Variants in UBE2H observed in about 807,000 individuals in gnomAD.
The protein encoded by UBE2H is ubiquitin conjugating enzyme E2 H.
Under a neutral mutation model 29.0 loss-of-function variants are expected in UBE2H, and 3 were observed. The observed-to-expected ratio is 0.10, with a 90% CI of 0.05 to 0.27. The LOEUF (loss-of-function observed/expected upper bound fraction) is 0.27. Among genes scored for constraint, UBE2H ranks in the 10% least tolerant of loss-of-function variants. The probability of loss-of-function intolerance (pLI) is 1.00; values close to 1 mark genes in which losing one functional copy is unlikely to be tolerated. For missense variants in UBE2H, 68 were observed against 228.2 expected (o/e 0.30, Z 4.52); for synonymous variants, 69 against 82.9 (o/e 0.83, Z 0.91).
chr7:129,944,577 G>A (rs1584802359), intron 1 of UBE2H, among the ~76,000 whole-genome samples: 1 of 152,140 alleles, frequency 6.6e-6, no homozygotes, highest in East Asian at 1.9e-4. Flanking sequence ...CCAACAGTGA[G>A]ACCTCATCTC....
In UBE2H at chr7:129,834,776, A is replaced by G; in HGVS notation, c.*161T>C. On this transcript the variant is annotated 3_prime_UTR_variant, in exon 7 of 7. Transcript: ENST00000355621. The stretch of plus-strand genomic sequence containing the variant: ...CAGGTTGAGAAATGACCAAGAAATC[A>G]AGATCTAAAGGGTGATATATAATAT... The G allele has an allele frequency of 1.2e-6, 1 of 837,548 alleles. No individual in the cohort carries two copies. The highest frequency in any genetic ancestry group is 2.3e-5 in the South Asian group (1 of 44,150). The allele number at this position is 837,548 out of a possible 1,614,324, so 51.9% of individuals were successfully genotyped here. A position where few individuals can be genotyped will look rare whatever the true frequency, so the allele number is the denominator to read the frequency against.
intron 3 of UBE2H, among the ~76,000 whole-genome samples, chr7:129,865,891 T>A (rs1805895134): frequency 6.6e-6 from 1 of 152,198 alleles, no homozygotes; most frequent in Admixed American, 6.5e-5. Context: ...ATAACTTGGA[T>A]CTCTGTTCCT....
At chr7:129,860,715 T>G (rs914616084) in intron 3 of UBE2H, among the ~76,000 whole-genome samples, 3 of 140,916 alleles carry the variant, frequency 2.1e-5, no homozygotes, top group Non-Finnish European at 3.1e-5. Flanking sequence ...CTGAGTTTTG[T>G]TTTTTTTTTT....
intron 3 of UBE2H, among the ~76,000 whole-genome samples, chr7:129,860,048 T>G (rs1164420171): frequency 6.6e-6 from 1 of 152,160 alleles, no homozygotes. Flanking sequence ...AATAAAGTAT[T>G]GATACAGTAG....
intron 5 of UBE2H, among the ~76,000 whole-genome samples, chr7:129,845,064 A>C (rs1805489489): frequency 6.6e-6 from 1 of 152,212 alleles, no homozygotes; most frequent in South Asian, 2.1e-4. Context: ...TGGGAGGCAG[A>C]GGTTGTAGTG....
chr7:129,890,284 TACACGTGTATATGTATAC>T (rs1276188417), intron 1 of UBE2H, among the ~76,000 whole-genome samples: 2 of 151,884 alleles, frequency 1.3e-5, no homozygotes, highest in African/African-American at 4.8e-5. Context: ...CGTATATATA[TACACGTGTATATGTATAC>T]ATACGTGTAT....
At chr7:129,836,554 G>GT (rs1389853947) in intron 6 of UBE2H, among the ~76,000 whole-genome samples, 3 of 152,230 alleles carry the variant, frequency 2.0e-5, no homozygotes, top group Non-Finnish European at 2.9e-5. Context: ...TTTGTTGAAA[G>GT]TAAGTGGCTG....
intron 1 of UBE2H, among the ~76,000 whole-genome samples, chr7:129,941,068 C>A (rs1807632197): frequency 1.3e-5 from 2 of 152,190 alleles, no homozygotes; most frequent in Admixed American, 1.3e-4. Context: ...AATTCTCCTG[C>A]CTCAGCCTCC....
chr7:129,879,602 T>C lies in UBE2H; in HGVS notation c.171A>G (p.Leu57=), dbSNP rs1206634017. The change falls in exon 3 of 7, where the codon CTA becomes CTG. Residue 57 remains leucine (L), a synonymous_variant. Transcript: ENST00000355621. ...GAGATTTGAAAGGGTATTTATCAGG[T>C]AGGTCCACTCTAACTTTCCATACTC... ...EGGVWKVRVD[L]PDKYPFKSPS... 1 of 1,613,132 alleles carries C rather than the reference T, an allele frequency of 6.2e-7. No homozygotes were observed. The highest frequency in any genetic ancestry group is 8.5e-7 in the Non-Finnish European group (1 of 1,179,710).
intron 3 of UBE2H, among the ~76,000 whole-genome samples, chr7:129,861,667 G>A (rs1233630403): frequency 7.9e-5 from 12 of 152,174 alleles, no homozygotes; most frequent in Admixed American, 7.2e-4. Context: ...TAAGACGGAC[G>A]GATTACTTGA....
chr7:129,908,036 C>T (rs954196185), intron 1 of UBE2H, among the ~76,000 whole-genome samples: 1 of 152,070 alleles, frequency 6.6e-6, no homozygotes, highest in African/African-American at 2.4e-5. Flanking sequence ...GGCTTTATCC[C>T]CCTCCCCAGG....
intron 3 of UBE2H, among the ~76,000 whole-genome samples, chr7:129,876,520 T>C (rs1806147383): frequency 6.6e-6 from 1 of 152,262 alleles, no homozygotes; most frequent in Non-Finnish European, 1.5e-5. Flanking sequence ...TATAGTTGAT[T>C]AAAGGAGTTT....
At chr7:129,859,787 T>C (rs1234167571) in intron 3 of UBE2H, among the ~76,000 whole-genome samples, 1 of 151,670 alleles carries the variant, frequency 6.6e-6, no homozygotes, top group African/African-American at 2.4e-5. Context: ...TTAGGACTCA[T>C]TCTGTTCCAC....
chr7:129,868,103 T>C (rs893597233), intron 3 of UBE2H, among the ~76,000 whole-genome samples: 1 of 152,210 alleles, frequency 6.6e-6, no homozygotes, highest in Admixed American at 6.5e-5. Flanking sequence ...TTGTTTTCAT[T>C]ATGACACCAA....
At chr7:129,938,706 CAA>C (rs566095922) in intron 1 of UBE2H, among the ~76,000 whole-genome samples, 2 of 124,768 alleles carry the variant, frequency 1.6e-5, no homozygotes, top group African/African-American at 5.9e-5. Flanking sequence ...AACTTCGTCT[CAA>C]AAAAAAAAAA....
chr7:129,835,761 T>C (rs962971315), intron 6 of UBE2H, among the ~76,000 whole-genome samples: 3 of 152,196 alleles, frequency 2.0e-5, no homozygotes, highest in Admixed American at 6.5e-5. Context: ...AAACTCTAAG[T>C]GCATACTGTT....
intron 1 of UBE2H, among the ~76,000 whole-genome samples, chr7:129,938,135 G>C (rs1246322493): frequency 6.6e-6 from 1 of 151,958 alleles, no homozygotes; most frequent in African/African-American, 2.4e-5. Flanking sequence ...CCATGGCCAG[G>C]CACAATGGTT....
intron 1 of UBE2H, among the ~76,000 whole-genome samples, chr7:129,907,505 G>A (rs79528549): frequency 0.062 from 9,508 of 152,236 alleles, 357 homozygotes; most frequent in Non-Finnish European, 0.091. Flanking sequence ...TCATGTAGCC[G>A]GGTTGTGGTA....
At chr7:129,926,962 C>T (rs999688033) in intron 1 of UBE2H, among the ~76,000 whole-genome samples, 3 of 152,152 alleles carry the variant, frequency 2.0e-5, no homozygotes, top group Non-Finnish European at 4.4e-5. Flanking sequence ...ACCTACCAAC[C>T]GCCTCATACC....
Sources: gnomAD v4.1 joint callset for allele counts (sites outside exome capture counted in the v4.1 genomes callset) on GRCh38, gnomAD v4.1.1 for gene constraint, MANE v1.5 for transcripts, NCBI Gene and HGNC (gene_info 2026-07-23, HGNC 2026-07-21) for gene names.